Variants in BTAF1 observed in about 807,000 individuals in gnomAD.
The protein encoded by BTAF1 is TATA-binding protein-associated factor 172.
In BTAF1, 38 loss-of-function variants were observed where a neutral mutation model predicts 227.1. That is an observed-to-expected ratio of 0.17 (90% CI 0.13 to 0.22). The LOEUF (loss-of-function observed/expected upper bound fraction) is 0.22. Ranked by LOEUF, BTAF1 falls within the 10% of genes least tolerant of loss-of-function variation. BTAF1 has a pLI of 1.00. For missense variants in BTAF1, 1,598 were observed against 2,204.0 expected (o/e 0.73, Z 5.51); for synonymous variants, 742 against 751.9 (o/e 0.99, Z 0.21).
chr10:91,932,965 T>C (rs891213092), intron 1 of BTAF1, among the ~76,000 whole-genome samples: 12 of 152,196 alleles, frequency 7.9e-5, no homozygotes, highest in African/African-American at 2.7e-4. Flanking sequence ...GTTCCCAGTC[T>C]CACACATGGG....
chr10:91,992,114 A>T lies in BTAF1; in HGVS notation c.2855-5A>T, dbSNP rs1202148571. The stretch of plus-strand genomic sequence containing the variant: ...TAAAAGGTTGTTTAACTTTTTTCTT[A>T]TTAGGATCCACCTCAGAAAAAGATG... On this transcript the variant is annotated splice_region_variant and splice_polypyrimidine_tract_variant and intron_variant, in intron 20 of 37. Coordinates refer to ENST00000265990, the MANE Select transcript of BTAF1 (RefSeq NM_003972.3). 1.3e-6 allele frequency: 2 copies of T among 1,550,644 alleles called. No individual in the cohort carries two copies. Among genetic ancestry groups the T allele is most frequent in the African/African-American group, 1.4e-5 (1 of 72,784 alleles).
At chr10:91,966,585 T>C in intron 13 of BTAF1, 52 bp from the exon 14 acceptor site, 1 of 1,581,532 alleles carries the variant, frequency 6.3e-7, no homozygotes, top group Non-Finnish European at 8.7e-7. Flanking sequence ...ATAATGTATC[T>C]ACAGAGTTAC....
At chr10:91,996,261 T>C in intron 23 of BTAF1, 108 bp from the exon 24 acceptor site, 1 of 863,842 alleles carries the variant, frequency 1.2e-6, no homozygotes, top group Non-Finnish European at 1.8e-6. Flanking sequence ...GGAGATATTT[T>C]TAGAGTCACT....
chr10:91,992,589 A>G (rs887466037), intron 21 of BTAF1, among the ~76,000 whole-genome samples: 2 of 152,228 alleles, frequency 1.3e-5, no homozygotes, highest in African/African-American at 4.8e-5. Context: ...GCTCAATAAT[A>G]GTGAAAGCTA....
At chr10:92,021,539 T>G (rs1355079783) in intron 34 of BTAF1, among the ~76,000 whole-genome samples, 5 of 151,900 alleles carry the variant, frequency 3.3e-5, no homozygotes, top group East Asian at 3.9e-4. Context: ...TTGAGTTGTT[T>G]TTTTTTTTCT....
At chr10:91,928,169 G>A (rs1844000177) in intron 1 of BTAF1, among the ~76,000 whole-genome samples, 1 of 151,962 alleles carries the variant, frequency 6.6e-6, no homozygotes, top group South Asian at 2.1e-4. Flanking sequence ...CATTTATAAT[G>A]CAAAATTGAT....
At chr10:91,954,528 G>A (rs144378734) in intron 6 of BTAF1, among the ~76,000 whole-genome samples, 1 of 151,430 alleles carries the variant, frequency 6.6e-6, no homozygotes, top group African/African-American at 2.4e-5. Context: ...GGTGCTCTTC[G>A]AGGACCTTGT....
At chr10:92,024,732 G>GTTTT in intron 34 of BTAF1, 24 bp from the exon 35 acceptor site, 17 of 1,267,200 alleles carry the variant, frequency 1.3e-5, no homozygotes, top group Admixed American at 4.7e-5. Flanking sequence ...CGCTTATGTA[G>GTTTT]TTTTTTTTTT....
chr10:91,990,765 C>G (rs1318933263), intron 20 of BTAF1, among the ~76,000 whole-genome samples: 1 of 151,362 alleles, frequency 6.6e-6, no homozygotes, highest in Non-Finnish European at 1.5e-5. Context: ...TGTATTCCAG[C>G]CTGGGCAACA....
In BTAF1 at chr10:91,985,429, G is replaced by GA. The variant is rs1231152091; in HGVS notation, c.2427+1031dup. ...GCTGTTACCACTTTTTGTCTGTTGTGAAAAAAGTCACTATAAACGTTCTTC... is the reference window on the plus strand; with the variant it reads ...GCTGTTACCACTTTTTGTCTGTTGTGAAAAAAAGTCACTATAAACGTTCTTC... On this transcript the variant is annotated intron_variant, in intron 19 of 37. Transcript: ENST00000265990. Among the ~76,000 whole-genome samples the GA allele has an allele frequency of 1.3e-5, 2 of 151,968 alleles. 1 individual carries two copies. The highest frequency in any genetic ancestry group is 2.9e-5 in the Non-Finnish European group (2 of 67,970).
chr10:91,959,871 T>A lies in BTAF1; in HGVS notation c.1077T>A (p.Val359=). The change falls in exon 10 of 38, where the codon GTT becomes GTA. Residue 359 remains valine (V), a synonymous_variant. Transcript: ENST00000265990. The part of the protein sequence containing the change: ...VFALDRFGDF[V]SDEVVAPVRE... The stretch of plus-strand genomic sequence containing the variant: ...CATTAGACAGATTTGGAGACTTTGT[T>A]TCTGATGAAGTAAGTATCATTTAAG... The A allele has an allele frequency of 6.2e-7, 1 of 1,608,546 alleles. No individual in the cohort carries two copies. Among genetic ancestry groups the A allele is most frequent in the Non-Finnish European group, 8.5e-7 (1 of 1,178,496 alleles).
At chr10:91,977,914 A>G (rs1022898652) in intron 14 of BTAF1, among the ~76,000 whole-genome samples, 2 of 152,198 alleles carry the variant, frequency 1.3e-5, no homozygotes, top group Admixed American at 6.5e-5. Context: ...TACAGTTTCC[A>G]TATATCCCAT....
At chr10:91,950,151 G>C (rs200867417) in intron 4 of BTAF1, among the ~76,000 whole-genome samples, 1,492 of 39,294 alleles carry the variant, frequency 0.038, 62 homozygotes, top group African/African-American at 0.063. Context: ...TCCTTTGTGG[G>C]GGGGGGCGGG....
intron 14 of BTAF1, among the ~76,000 whole-genome samples, chr10:91,969,341 CAA>C (rs993012288): frequency 6.7e-6 from 1 of 148,922 alleles, no homozygotes; most frequent in Admixed American, 6.7e-5. Flanking sequence ...TTTTTTGCCA[CAA>C]AAAAAAAGTT....
intron 14 of BTAF1, among the ~76,000 whole-genome samples, chr10:91,972,931 CTG>C (rs1363416004): frequency 1.4e-4 from 22 of 152,160 alleles, no homozygotes; most frequent in African/African-American, 4.8e-4. Flanking sequence ...ATAATATACA[CTG>C]TATACAATTC....
At chr10:91,992,772 G>A (rs1848886555) in intron 21 of BTAF1, among the ~76,000 whole-genome samples, 1 of 152,114 alleles carries the variant, frequency 6.6e-6, no homozygotes, top group South Asian at 2.1e-4. Flanking sequence ...ATTTATAATG[G>A]CACCTCTGTT....
chr10:91,975,511 G>C (rs1331625313), intron 14 of BTAF1, among the ~76,000 whole-genome samples: 2 of 152,184 alleles, frequency 1.3e-5, no homozygotes, highest in African/African-American at 4.8e-5. Context: ...TAAACTGTCT[G>C]ATATGGAAAT....
At chr10:92,026,849 A>G in intron 36 of BTAF1, 98 bp downstream of exon 36, 2 of 1,301,390 alleles carry the variant, frequency 1.5e-6, no homozygotes, top group Non-Finnish European at 2.1e-6. Flanking sequence ...CTCTGGTGTT[A>G]ACATACATGT....
Position 91,942,496 on chromosome 10 carries a change from A to G in BTAF1, c.328A>G (p.Arg110Gly). Residue 110 changes from arginine to glycine, a missense_variant, in exon 4 of 38, where the codon AGA (arginine) becomes GGA (glycine). Arg to Gly is a moderately radical substitution (Grantham distance 125). Around this residue, in one of 10 missense-constraint regions of BTAF1, gnomAD observed 298 missense variants for 395.2 expected, o/e 0.75. Transcript: ENST00000265990. ...RLNFDRFDICRLLQHGASLLG... is the reference protein window; with the variant it reads ...RLNFDRFDICGLLQHGASLLG... ...GAATTTTGACAGATTTGATATATGT[A>G]GATTGTTACAACATGGTGCATCACT... The G allele has an allele frequency of 1.9e-6, 3 of 1,614,132 alleles. No homozygotes were observed. Among genetic ancestry groups the G allele is most frequent in the Non-Finnish European group, 2.5e-6 (3 of 1,179,968 alleles).
Sources: gnomAD v4.1 joint callset for allele counts (sites outside exome capture counted in the v4.1 genomes callset) on GRCh38, gnomAD v4.1.1 for gene constraint, gnomAD v4.1.1 regional missense constraint, MANE v1.5 for transcripts, NCBI Gene and HGNC (gene_info 2026-07-23, HGNC 2026-07-21) for gene names.